Variants in DAB1 observed in about 807,000 individuals in gnomAD.
The protein encoded by DAB1 is disabled homolog 1.
DAB1 carries 15 observed loss-of-function variants against 64.6 expected under a neutral mutation model. The ratio of observed to expected loss-of-function variants is 0.23; its 90% CI spans 0.16 to 0.36. The LOEUF is 0.36. Among genes scored for constraint, DAB1 ranks in the 10% least tolerant of loss-of-function variants. DAB1 has a pLI of 1.00. For synonymous variants in DAB1, 235 were observed against 251.9 expected, an observed-to-expected ratio of 0.93 and a Z score of 0.64; for missense variants, 596 against 706.7, an observed-to-expected ratio of 0.84 and a Z score of 1.78.
At chr1:57,974,447 T>C (rs1645871205) in intron 5 of DAB1, among the ~76,000 whole-genome samples, 1 of 152,132 alleles carries the variant, frequency 6.6e-6, no homozygotes, top group African/African-American at 2.4e-5. Flanking sequence ...ACACAAATAC[T>C]TACCAATTTA....
intron 6 of DAB1, among the ~76,000 whole-genome samples, chr1:57,692,215 T>C (rs1646772580): frequency 1.3e-5 from 2 of 152,070 alleles, no homozygotes; most frequent in Non-Finnish European, 2.9e-5. Flanking sequence ...CAGACAAACT[T>C]CCTCTCACCT....
chr1:57,243,443 C>T (rs754386656), intron 2 of DAB1, among the ~76,000 whole-genome samples: 1 of 152,052 alleles, frequency 6.6e-6, no homozygotes, highest in Non-Finnish European at 1.5e-5. Flanking sequence ...CTTCTCCTGA[C>T]TAAGCTAACC....
chr1:58,342,809 C>T (rs955453104), intron 4 of DAB1, among the ~76,000 whole-genome samples: 1 of 152,080 alleles, frequency 6.6e-6, no homozygotes, highest in African/African-American at 2.4e-5. Flanking sequence ...CTATCGCCAC[C>T]CCATAGACCC....
chr1:57,405,682 G>A (rs1315625094), intron 1 of DAB1, among the ~76,000 whole-genome samples: 4 of 152,104 alleles, frequency 2.6e-5, no homozygotes, highest in African/African-American at 4.8e-5. Context: ...CCTTAACAGC[G>A]GTTTACCTGG....
At chr1:57,413,703 C>T (rs2101065460) in intron 1 of DAB1, among the ~76,000 whole-genome samples, 1 of 143,056 alleles carries the variant, frequency 7.0e-6, no homozygotes, top group Middle Eastern at 3.7e-3. Context: ...GAGATCGCGC[C>T]ACTGCACTCC....
chr1:57,457,141 C>T (rs1223974485), intron 7 of DAB1, among the ~76,000 whole-genome samples: 1 of 152,180 alleles, frequency 6.6e-6, no homozygotes, highest in Non-Finnish European at 1.5e-5. Context: ...TGCTCCTCAT[C>T]TACACTTCAT....
intron 7 of DAB1, among the ~76,000 whole-genome samples, chr1:57,486,733 A>T (rs1176923352): frequency 6.6e-6 from 1 of 152,128 alleles, no homozygotes; most frequent in African/African-American, 2.4e-5. Flanking sequence ...TTCAGGTACA[A>T]TAAGAAAAGG....
chr1:57,136,461 T>C, intron 4 of DAB1, 82 bp downstream of exon 4: 1 of 706,816 alleles, frequency 1.4e-6, no homozygotes, highest in Non-Finnish European at 2.2e-6. Context: ...TGTTGTATAT[T>C]CCTGCCCAGA....
intron 7 of DAB1, among the ~76,000 whole-genome samples, chr1:57,487,829 G>C (rs1022866463): frequency 2.0e-5 from 3 of 152,188 alleles, no homozygotes; most frequent in African/African-American, 7.2e-5. Flanking sequence ...TGACTGTATA[G>C]AGAATCAACT....
intron 7 of DAB1, among the ~76,000 whole-genome samples, chr1:57,649,154 T>A (rs1182802190): frequency 6.6e-6 from 1 of 152,228 alleles, no homozygotes; most frequent in Admixed American, 6.5e-5. Context: ...ATTGTTTGAG[T>A]TTATTTTCCA....
chr1:57,316,456 C>G (rs1185992292), intron 1 of DAB1, among the ~76,000 whole-genome samples: 1 of 152,030 alleles, frequency 6.6e-6, no homozygotes, highest in Non-Finnish European at 1.5e-5. Context: ...AATTACCGGA[C>G]AAATGCCAGG....
intron 5 of DAB1, among the ~76,000 whole-genome samples, chr1:58,132,423 G>C (rs1006527420): frequency 2.6e-5 from 4 of 152,156 alleles, no homozygotes; most frequent in African/African-American, 9.7e-5. Flanking sequence ...CGTCTTCTGC[G>C]TCGCTCACGC....
intron 1 of DAB1, among the ~76,000 whole-genome samples, chr1:57,309,290 A>G (rs1674466530): frequency 6.6e-6 from 1 of 152,202 alleles, no homozygotes; most frequent in Non-Finnish European, 1.5e-5. Context: ...TCCACTTCTG[A>G]GACCACTGTG....
chr1:58,250,263 C>T (rs1470950625), intron 4 of DAB1, among the ~76,000 whole-genome samples: 2 of 152,220 alleles, frequency 1.3e-5, no homozygotes, highest in African/African-American at 4.8e-5. Flanking sequence ...GGACCACACT[C>T]TCCGCTCAGC....
At chr1:58,371,513 C>A (rs190281925) in intron 3 of DAB1, among the ~76,000 whole-genome samples, 1 of 152,158 alleles carries the variant, frequency 6.6e-6, no homozygotes, top group Non-Finnish European at 1.5e-5. Context: ...AATAAAAACC[C>A]ATTTTCTGGG....
At chr1:58,460,086 T>C (rs929997459) in intron 3 of DAB1, among the ~76,000 whole-genome samples, 1 of 152,212 alleles carries the variant, frequency 6.6e-6, no homozygotes, top group Non-Finnish European at 1.5e-5. Flanking sequence ...GGACATATGT[T>C]GAAACCACCA....
chr1:57,303,360 C>T (rs565350954), intron 1 of DAB1, among the ~76,000 whole-genome samples: 193 of 152,290 alleles, frequency 1.3e-3, no homozygotes, highest in African/African-American at 4.2e-3. Context: ...CTCTGCCTTT[C>T]GCCCCAGTCC....
At chr1:58,137,556 T>A (rs1654017655) in intron 5 of DAB1, among the ~76,000 whole-genome samples, 1 of 152,090 alleles carries the variant, frequency 6.6e-6, no homozygotes, top group Non-Finnish European at 1.5e-5. Flanking sequence ...TATCCATCCA[T>A]CCACCTCTAT....
intron 4 of DAB1, among the ~76,000 whole-genome samples, chr1:58,151,380 C>T (rs1654927876): frequency 6.6e-6 from 1 of 152,160 alleles, no homozygotes; most frequent in South Asian, 2.1e-4. Flanking sequence ...TTAATGATTG[C>T]CATTCTAACT....
Sources: allele counts gnomAD v4.1 joint callset (sites outside exome capture counted in the v4.1 genomes callset), GRCh38; gene constraint gnomAD v4.1.1; transcripts MANE v1.5; gene names NCBI Gene and HGNC (gene_info 2026-07-23, HGNC 2026-07-21).